Variants in BOP1 observed in about 807,000 individuals in gnomAD.
BOP1 encodes the protein BOP1 ribosomal biogenesis factor.
BOP1 carries 54 observed loss-of-function variants against 82.9 expected under a neutral mutation model. That is an observed-to-expected ratio of 0.65 (90% CI 0.52 to 0.82). BOP1 has a LOEUF of 0.82. Ranked by LOEUF, BOP1 falls within the 40% of genes least tolerant of loss-of-function variation. BOP1 has a pLI of 0.00. For missense variants in BOP1, 1,170 were observed against 1,072.0 expected (o/e 1.09, Z -1.28); for synonymous variants, 566 against 451.1 (o/e 1.25, Z -3.23).
intron 3 of BOP1, among the ~76,000 whole-genome samples, chr8:144,273,729 C>T (rs1020696447): frequency 2.2e-4 from 34 of 152,210 alleles, no homozygotes; most frequent in African/African-American, 8.2e-4. Flanking sequence ...AAGCTCCAGG[C>T]GCGGTGGGAG....
chr8:144,280,417 A>T (rs1845649402), intron 2 of BOP1, among the ~76,000 whole-genome samples: 1 of 152,234 alleles, frequency 6.6e-6, no homozygotes, highest in Non-Finnish European at 1.5e-5. Flanking sequence ...AACCACAGCG[A>T]CAGGGGGCCC....
rs1009421343 is a variant in BOP1 at position 144,270,528 on chromosome 8, G to A, written c.391-5457C>T. 4.6e-4 allele frequency among the ~76,000 whole-genome samples: 70 copies of A among 152,254 alleles called. 1 individual carries two copies. The South Asian group carries it at 0.013, about 28-fold the overall frequency. ...TCAGGCCTGGGCAGCCAGCCCAGCCGCTCCCTGAGCTGCACCGGTAGCAGC... is the reference window on the plus strand; with the variant it reads ...TCAGGCCTGGGCAGCCAGCCCAGCCACTCCCTGAGCTGCACCGGTAGCAGC... On this transcript the variant is annotated intron_variant, in intron 3 of 15. Transcript: ENST00000569669.
In BOP1 at chr8:144,287,992, G is replaced by A. The variant is rs569689794; in HGVS notation, c.309+1103C>T. On this transcript the variant is annotated intron_variant, in intron 2 of 15. Coordinates refer to ENST00000569669, the MANE Select transcript of BOP1 (RefSeq NM_015201.5). ...TAGAGTAACAAATGCTGGGCTGGGC[G>A]CGGTGGCTCACACCTGTAATCCCAG... Among the ~76,000 whole-genome samples, 106 of 152,216 alleles carry A rather than the reference G, an allele frequency of 7.0e-4. No individual in the cohort carries two copies. The South Asian group carries it at 0.021, about 29-fold the overall frequency.
In BOP1 at chr8:144,265,086, C is replaced by A. The variant is rs1392674937; in HGVS notation, c.391-15G>T. On this transcript the variant is annotated splice_polypyrimidine_tract_variant and intron_variant, in intron 3 of 15. Transcript: ENST00000569669. ...TTCCGGATGTCCTGCAGCCGGGGGC[C>A]ACCATGTCGGCATCTGATCCTACAA... The A allele has an allele frequency of 6.2e-7, 1 of 1,603,470 alleles. No individual in the cohort carries two copies. The highest frequency in any genetic ancestry group is 1.7e-5 in the Admixed American group (1 of 59,666).
At chr8:144,275,468 TGGCGG>T (rs1845555206) in intron 3 of BOP1, among the ~76,000 whole-genome samples, 1 of 51,480 alleles carries the variant, frequency 1.9e-5, no homozygotes, top group Non-Finnish European at 4.4e-5. Flanking sequence ...CTCTCCACGC[TGGCGG>T]AGCCCAGCCC....
At chr8:144,268,407 C>T (rs1402754323) in intron 3 of BOP1, 4 of 580,470 alleles carry the variant, frequency 6.9e-6, no homozygotes, top group Non-Finnish European at 9.2e-6. Context: ...TGTGTGATGG[C>T]ATCTTGTGTT....
intron 2 of BOP1, among the ~76,000 whole-genome samples, chr8:144,277,102 C>T (rs996394318): frequency 1.3e-5 from 2 of 152,228 alleles, no homozygotes; most frequent in East Asian, 3.9e-4. Context: ...CCACCTCTCA[C>T]CCGTGGGGGC....
In BOP1 at chr8:144,263,096, C is replaced by T. The variant is rs957213891; in HGVS notation, c.1651G>A (p.Val551Met). The T allele has an allele frequency of 7.5e-6, 12 of 1,592,326 alleles. No homozygotes were observed. Among genetic ancestry groups the T allele is most frequent in the East Asian group, 2.2e-5 (1 of 44,650 alleles). Residue 551 changes from valine (V) to methionine (M), a missense_variant, in exon 13 of 16, where the codon GTG becomes ATG. Val to Met is a conservative substitution (Grantham distance 21). Transcript: ENST00000569669. ...TWHGRGDYLA[V>M]VLATQGHTQV... ...GTGTGGCCTTGGGTGGCCAGCACCA[C>T]GGCCAGGTAGTCCCCACGCCCGTGC... is the stretch of plus-strand genomic sequence containing the variant.
chr8:144,271,430 C>T (rs765770351), intron 3 of BOP1, among the ~76,000 whole-genome samples: 1 of 152,098 alleles, frequency 6.6e-6, no homozygotes, highest in Non-Finnish European at 1.5e-5. Flanking sequence ...CAGCCGCCCT[C>T]GCTCCGTCTC....
intron 3 of BOP1, 79 bp from the exon 4 acceptor site, chr8:144,265,150 A>AG: frequency 6.6e-7 from 1 of 1,505,816 alleles, no homozygotes; most frequent in Admixed American, 1.8e-5. Context: ...GGAGCAGGTG[A>AG]GGGGGTTGCA....
chr8:144,283,090 C>T (rs1424982116), intron 2 of BOP1, among the ~76,000 whole-genome samples: 2 of 148,912 alleles, frequency 1.3e-5, no homozygotes, highest in African/African-American at 5.0e-5. Flanking sequence ...CCCAGCTACT[C>T]AGGAGGTTGA....
chr8:144,264,903 CCACCAGCCCT>C lies in BOP1; in HGVS notation c.545+4_545+13del. ...GCCCACCCCGGCTGCTGGCCCCACC[CCACCAGCCCT>C]CACCAGTAGTCAGGATCGTCCATCT... On this transcript the variant is annotated splice_donor_5th_base_variant and intron_variant, in intron 4 of 15. Transcript: ENST00000569669. 6.2e-7 allele frequency: 1 copy of C among 1,611,032 alleles called. No homozygotes were observed. Among genetic ancestry groups the C allele is most frequent in the East Asian group, 2.2e-5 (1 of 44,868 alleles).
Position 144,262,253 on chromosome 8 carries a change from C to G in BOP1, c.2152G>C (p.Asp718His). ...AAGATGACGTCCAGCACTCCCAGATCTCGGGTCAGCACGTGTCCCTTCAGC... is the reference window on the plus strand; with the variant it reads ...AAGATGACGTCCAGCACTCCCAGATGTCGGGTCAGCACGTGTCCCTTCAGC... Reference protein sequence around the residue: ...KVLKGHVLTRDLGVLDVIFHP... With the variant: ...KVLKGHVLTRHLGVLDVIFHP... The change falls in exon 16 of 16, where the codon GAT (aspartate) becomes CAT (histidine). Residue 718 changes from aspartate to histidine, a missense_variant. Transcript: ENST00000569669. 1 of 1,612,822 alleles carries G rather than the reference C, an allele frequency of 6.2e-7. No individual in the cohort carries two copies. Among genetic ancestry groups the G allele is most frequent in the Non-Finnish European group, 8.5e-7 (1 of 1,179,808 alleles).
rs114413899 is a variant in BOP1 at position 144,289,980 on chromosome 8, C to T, written c.100-676G>A. Among the ~76,000 whole-genome samples, 1,445 of 152,372 alleles carry T rather than the reference C, an allele frequency of 9.5e-3. 38 individuals are homozygous for T. Among genetic ancestry groups the T allele is most frequent in the African/African-American group, 0.034 (1,394 of 41,580 alleles). ...GGACCACAGCTGCCTCTGAGCAGAG[C>T]CCTGCTGGCTGCGTGACACCGGCAC... On this transcript the variant is annotated intron_variant, in intron 1 of 15. Transcript: ENST00000569669.
intron 2 of BOP1, among the ~76,000 whole-genome samples, chr8:144,285,157 T>A (rs1372671126): frequency 9.9e-5 from 15 of 152,204 alleles, no homozygotes; most frequent in Admixed American, 9.8e-4. Flanking sequence ...CCCATGCCAG[T>A]CACACAGCCC....
chr8:144,263,093 C>G lies in BOP1; in HGVS notation c.1654G>C (p.Val552Leu), dbSNP rs1034567181. 22 of 1,591,872 alleles carry G rather than the reference C, an allele frequency of 1.4e-5. No homozygotes were observed. The highest frequency in any genetic ancestry group is 1.8e-5 in the Non-Finnish European group (21 of 1,178,110). ...WHGRGDYLAV[V>L]LATQGHTQVL... ...TGGGTGTGGCCTTGGGTGGCCAGCACCACGGCCAGGTAGTCCCCACGCCCG... is the reference window on the plus strand; with the variant it reads ...TGGGTGTGGCCTTGGGTGGCCAGCAGCACGGCCAGGTAGTCCCCACGCCCG... Residue 552 changes from valine (V) to leucine (L), a missense_variant, in exon 13 of 16, where the codon GTG (valine) becomes CTG (leucine). By Grantham distance (32) the Val-to-Leu change is conservative (BLOSUM62 1). Coordinates refer to ENST00000569669, the MANE Select transcript of BOP1 (RefSeq NM_015201.5).
At chr8:144,285,831 C>T (rs1240791453) in intron 2 of BOP1, among the ~76,000 whole-genome samples, 2 of 152,236 alleles carry the variant, frequency 1.3e-5, no homozygotes, top group African/African-American at 2.4e-5. Context: ...CGTGGACCCA[C>T]GATGCGAGTG....
At chr8:144,273,562 C>T (rs1554838051) in intron 3 of BOP1, among the ~76,000 whole-genome samples, 1 of 152,242 alleles carries the variant, frequency 6.6e-6, no homozygotes, top group African/African-American at 2.4e-5. Flanking sequence ...GTGGCTGCAT[C>T]CTCTGCCTGA....
intron 3 of BOP1, chr8:144,266,924 C>A: frequency 6.4e-7 from 1 of 1,555,912 alleles, no homozygotes; most frequent in South Asian, 1.1e-5. Flanking sequence ...CTGATCCCCA[C>A]CGAGCCCGCC....
Sources: gnomAD v4.1 joint callset for allele counts (sites outside exome capture counted in the v4.1 genomes callset) on GRCh38, gnomAD v4.1.1 for gene constraint, MANE v1.5 for transcripts, NCBI Gene and HGNC (gene_info 2026-07-23, HGNC 2026-07-21) for gene names.